CDK14: variants seen among roughly 807,000 people sequenced by gnomAD.
CDK14 encodes the protein cyclin-dependent kinase 14.
In CDK14, 34 loss-of-function variants were observed where a neutral mutation model predicts 60.7. The observed-to-expected ratio is 0.56, with a 90% confidence interval of 0.43 to 0.75. The LOEUF (loss-of-function observed/expected upper bound fraction) is 0.75. Ranked by LOEUF, CDK14 falls within the 30% of genes least tolerant of loss-of-function variation. CDK14 has a pLI of 0.00. For missense variants in CDK14, 482 were observed against 564.1 expected (o/e 0.85, Z 1.47); for synonymous variants, 197 against 203.7 (o/e 0.97, Z 0.28).
intron 1 of CDK14, among the ~76,000 whole-genome samples, chr7:90,603,328 G>A (rs926638877): frequency 6.6e-6 from 1 of 152,138 alleles, no homozygotes; most frequent in Non-Finnish European, 1.5e-5. Context: ...CATACTTGAT[G>A]GTGGTCCCGC....
chr7:90,684,697 G>A (rs1333085983), intron 2 of CDK14, among the ~76,000 whole-genome samples: 1 of 152,136 alleles, frequency 6.6e-6, no homozygotes, highest in African/African-American at 2.4e-5. Flanking sequence ...TCTGCCTTTT[G>A]AAGTGAGGCA....
chr7:91,077,736 A>T (rs1562894984), intron 11 of CDK14, among the ~76,000 whole-genome samples: 1 of 97,288 alleles, frequency 1.0e-5, no homozygotes, highest in African/African-American at 4.5e-5. Context: ...TACTTATTTC[A>T]CTTTTATACA....
intron 3 of CDK14, among the ~76,000 whole-genome samples, chr7:90,733,269 T>G (rs940844734): frequency 6.6e-6 from 1 of 152,182 alleles, no homozygotes; most frequent in African/African-American, 2.4e-5. Flanking sequence ...TGTGGTCAAT[T>G]TTAGTGTATG....
At chr7:90,963,851 G>A (rs1462819657) in intron 9 of CDK14, among the ~76,000 whole-genome samples, 1 of 151,656 alleles carries the variant, frequency 6.6e-6, no homozygotes, top group Non-Finnish European at 1.5e-5. Context: ...GACTAGCCGG[G>A]ATTACAGGCG....
At chr7:90,850,646 A>G (rs1345382261) in intron 5 of CDK14, among the ~76,000 whole-genome samples, 1 of 152,154 alleles carries the variant, frequency 6.6e-6, no homozygotes, top group Non-Finnish European at 1.5e-5. Context: ...TTGAAAGACC[A>G]TGGGGGATTG....
At chr7:91,032,675 A>G (rs979623318) in intron 10 of CDK14, among the ~76,000 whole-genome samples, 1 of 152,128 alleles carries the variant, frequency 6.6e-6, no homozygotes, top group African/African-American at 2.4e-5. Context: ...TTCTCCCCTA[A>G]ACCCCCCAGA....
chr7:90,709,335 C>A, intron 2 of CDK14: 1 of 1,052,414 alleles, frequency 9.5e-7, no homozygotes, highest in Non-Finnish European at 1.3e-6. Context: ...ATGGGGTTGT[C>A]ACTCAGGACA....
At chr7:91,064,800 A>C (rs1226625606) in intron 11 of CDK14, among the ~76,000 whole-genome samples, 3 of 152,214 alleles carry the variant, frequency 2.0e-5, no homozygotes, top group African/African-American at 7.2e-5. Context: ...AAGGGGATGC[A>C]CAGAGAGTGA....
intron 2 of CDK14, among the ~76,000 whole-genome samples, chr7:90,690,666 G>A (rs1801534874): frequency 1.3e-5 from 2 of 152,144 alleles, no homozygotes; most frequent in Admixed American, 1.3e-4. Flanking sequence ...TATTGAGCCA[G>A]ATGGCGTTCT....
intron 14 of CDK14, among the ~76,000 whole-genome samples, chr7:91,133,581 A>G (rs1800178976): frequency 6.6e-6 from 1 of 152,216 alleles, no homozygotes; most frequent in Non-Finnish European, 1.5e-5. Flanking sequence ...TACATGGGAT[A>G]AAGTGAAAGT....
chr7:91,030,854 G>C (rs943044528), intron 10 of CDK14, among the ~76,000 whole-genome samples: 2 of 152,196 alleles, frequency 1.3e-5, no homozygotes, highest in African/African-American at 4.8e-5. Context: ...AGAAGCCTCA[G>C]GCCAGCCTGT....
At chr7:90,598,263 C>A (rs1388448346) in intron 1 of CDK14, among the ~76,000 whole-genome samples, 1 of 152,108 alleles carries the variant, frequency 6.6e-6, no homozygotes. Context: ...CTAAAAGTTC[C>A]TTATATTTAA....
chr7:90,813,361 T>TA (rs1390524282), intron 5 of CDK14, among the ~76,000 whole-genome samples: 3 of 152,166 alleles, frequency 2.0e-5, no homozygotes, highest in African/African-American at 7.2e-5. Context: ...TGGGCAACTG[T>TA]ATAATAATTT....
chr7:91,144,082 C>A (rs1800548967), intron 14 of CDK14, among the ~76,000 whole-genome samples: 1 of 152,134 alleles, frequency 6.6e-6, no homozygotes, highest in African/African-American at 2.4e-5. Context: ...CTTTGGCTAC[C>A]TCTAAGGATA....
chr7:90,791,228 T>C (rs1164958726), intron 5 of CDK14, among the ~76,000 whole-genome samples: 1 of 152,176 alleles, frequency 6.6e-6, no homozygotes. Context: ...GATTTTATTT[T>C]TTATTAAATC....
At chr7:90,802,100 A>G (rs1264039831) in intron 5 of CDK14, among the ~76,000 whole-genome samples, 1 of 152,208 alleles carries the variant, frequency 6.6e-6, no homozygotes, top group African/African-American at 2.4e-5. Context: ...AAGAAAGGAC[A>G]AACATTTGTT....
intron 6 of CDK14, 115 bp downstream of exon 6, chr7:90,863,384 A>G: frequency 3.7e-6 from 2 of 544,874 alleles, no homozygotes; most frequent in East Asian, 3.0e-5. Flanking sequence ...TTTTATCTGA[A>G]TACATGAGAA....
intron 3 of CDK14, among the ~76,000 whole-genome samples, chr7:90,730,836 G>C (rs1802832241): frequency 6.6e-6 from 1 of 152,130 alleles, no homozygotes; most frequent in Non-Finnish European, 1.5e-5. Flanking sequence ...TTCTTTTGCT[G>C]TGCAGGAGCT....
At chr7:91,175,031 GA>G (rs1801677013) in intron 14 of CDK14, among the ~76,000 whole-genome samples, 1 of 144,152 alleles carries the variant, frequency 6.9e-6, no homozygotes, top group South Asian at 2.3e-4. Flanking sequence ...TGAAATGAAG[GA>G]AAAAATGTTA....
Sources: gnomAD v4.1 joint callset for allele counts (sites outside exome capture counted in the v4.1 genomes callset) on GRCh38, gnomAD v4.1.1 for gene constraint, MANE v1.5 for transcripts, NCBI Gene and HGNC (gene_info 2026-07-23, HGNC 2026-07-21) for gene names.